Variants in FHIT observed in about 807,000 individuals in gnomAD.
FHIT encodes fragile histidine triad diadenosine triphosphatase.
In FHIT, 19 loss-of-function variants were observed where a neutral mutation model predicts 17.9. The observed-to-expected ratio is 1.06, with a 90% confidence interval of 0.74 to 1.56. The LOEUF is 1.56. Ranked by LOEUF, FHIT falls within the 40% of genes most tolerant of loss-of-function variation. The pLI is 0.00. For synonymous variants in FHIT, 81 were observed against 69.7 expected (o/e 1.16, Z -0.81); for missense variants, 248 against 189.2 (o/e 1.31, Z -1.82).
chr3:60,579,283 C>A (rs192445406), intron 4 of FHIT, among the ~76,000 whole-genome samples: 1 of 152,238 alleles, frequency 6.6e-6, no homozygotes, highest in Non-Finnish European at 1.5e-5. Flanking sequence ...CAATTCTTTA[C>A]TGCATGTTAA....
chr3:59,777,137 T>G (rs919194581), intron 8 of FHIT, among the ~76,000 whole-genome samples: 22 of 152,250 alleles, frequency 1.4e-4, no homozygotes, highest in Admixed American at 1.4e-3. Flanking sequence ...TTCTCCCATA[T>G]CCACCTTCGA....
At chr3:60,410,254 G>A (rs1042843752) in intron 5 of FHIT, among the ~76,000 whole-genome samples, 1 of 152,184 alleles carries the variant, frequency 6.6e-6, no homozygotes. Context: ...AGATGAGCAA[G>A]TTATCCAGAT....
chr3:60,241,143 C>G (rs1316997076), intron 5 of FHIT, among the ~76,000 whole-genome samples: 1 of 152,092 alleles, frequency 6.6e-6, no homozygotes, highest in Non-Finnish European at 1.5e-5. Context: ...AGTTTAAAGA[C>G]ATATTTATTC....
At chr3:60,289,532 C>T (rs767198472) in intron 5 of FHIT, among the ~76,000 whole-genome samples, 9 of 152,086 alleles carry the variant, frequency 5.9e-5, no homozygotes, top group Non-Finnish European at 7.4e-5. Context: ...GAGCTTAAAA[C>T]GGGCTATTTA....
intron 3 of FHIT, among the ~76,000 whole-genome samples, chr3:60,995,406 G>C (rs978115760): frequency 1.3e-5 from 2 of 152,182 alleles, no homozygotes; most frequent in East Asian, 3.9e-4. Context: ...TCTACCATAT[G>C]AAAGTTAACG....
intron 1 of FHIT, among the ~76,000 whole-genome samples, chr3:61,201,667 G>A (rs1050301910): frequency 1.3e-5 from 2 of 152,040 alleles, no homozygotes; most frequent in South Asian, 2.1e-4. Flanking sequence ...TCAGACTTAC[G>A]GGCTAAGATG....
intron 5 of FHIT, among the ~76,000 whole-genome samples, chr3:60,441,774 A>G (rs1211363054): frequency 1.2e-5 from 1 of 84,010 alleles, no homozygotes; most frequent in Admixed American, 1.6e-4. Context: ...ATATATTTAT[A>G]TGTATAAAAA....
chr3:61,219,393 G>A (rs967046313), intron 1 of FHIT, among the ~76,000 whole-genome samples: 3 of 151,758 alleles, frequency 2.0e-5, no homozygotes, highest in African/African-American at 4.8e-5. Context: ...TCCAAAATGC[G>A]AGCAAGTCAG....
At chr3:59,940,784 T>C (rs1280581812) in intron 7 of FHIT, among the ~76,000 whole-genome samples, 1 of 152,162 alleles carries the variant, frequency 6.6e-6, no homozygotes, top group Non-Finnish European at 1.5e-5. Flanking sequence ...AATGAAATAA[T>C]ACATGAAAAC....
At chr3:60,522,958 G>A (rs1037204018) in intron 5 of FHIT, among the ~76,000 whole-genome samples, 1 of 152,136 alleles carries the variant, frequency 6.6e-6, no homozygotes, top group Non-Finnish European at 1.5e-5. Context: ...CGTGGCTGGG[G>A]AGGCCTCACA....
chr3:60,028,828 T>G (rs1292649552), intron 5 of FHIT, among the ~76,000 whole-genome samples: 3 of 152,142 alleles, frequency 2.0e-5, no homozygotes, highest in Non-Finnish European at 2.9e-5. Context: ...AAGAAAAAGA[T>G]GTACCAGAGG....
At chr3:60,867,193 T>A (rs905909370) in intron 3 of FHIT, among the ~76,000 whole-genome samples, 1 of 149,422 alleles carries the variant, frequency 6.7e-6, no homozygotes, top group Non-Finnish European at 1.5e-5. Context: ...TTATTATCTA[T>A]TTCCTGCCCT....
intron 4 of FHIT, among the ~76,000 whole-genome samples, chr3:60,712,943 G>A (rs1476201658): frequency 1.3e-5 from 2 of 149,888 alleles, no homozygotes; most frequent in Non-Finnish European, 1.5e-5. Flanking sequence ...GACATCTACA[G>A]AACTCTCCAA....
At chr3:60,912,783 T>C in intron 3 of FHIT, 1 of 515,826 alleles carries the variant, frequency 1.9e-6, no homozygotes, top group Non-Finnish European at 3.9e-6. Context: ...CAAAGTCCTT[T>C]CCTTTGTCTT....
At chr3:61,029,106 C>T (rs2032882213) in intron 3 of FHIT, among the ~76,000 whole-genome samples, 1 of 152,050 alleles carries the variant, frequency 6.6e-6, no homozygotes, top group Non-Finnish European at 1.5e-5. Context: ...AGATGATACC[C>T]TTTTTCTTCT....
intron 5 of FHIT, among the ~76,000 whole-genome samples, chr3:60,297,471 C>T (rs1432556418): frequency 6.6e-6 from 1 of 151,988 alleles, no homozygotes; most frequent in South Asian, 2.1e-4. Flanking sequence ...TTTCTATATG[C>T]TGGTCTAATA....
chr3:60,158,377 T>C (rs993064074), intron 5 of FHIT, among the ~76,000 whole-genome samples: 5 of 151,930 alleles, frequency 3.3e-5, no homozygotes, highest in Admixed American at 1.3e-4. Context: ...AATGGCGCAA[T>C]CTCTGTGCAC....
chr3:60,559,763 C>CAAAAAT (rs2036869901), intron 4 of FHIT, among the ~76,000 whole-genome samples: 3 of 61,220 alleles, frequency 4.9e-5, no homozygotes, highest in Non-Finnish European at 7.2e-5. Context: ...GTCCCTCTTA[C>CAAAAAT]GGGCACTTAC....
chr3:60,498,311 G>T (rs1241026384), intron 5 of FHIT, among the ~76,000 whole-genome samples: 1 of 152,120 alleles, frequency 6.6e-6, no homozygotes, highest in African/African-American at 2.4e-5. Context: ...TTCAATAAAT[G>T]ATGAAAATGT....
Sources: allele counts gnomAD v4.1 joint callset (sites outside exome capture counted in the v4.1 genomes callset), GRCh38; gene constraint gnomAD v4.1.1; transcripts MANE v1.5; gene names NCBI Gene and HGNC (gene_info 2026-07-23, HGNC 2026-07-21).